Variants in EPHA4 observed in about 807,000 individuals in gnomAD.
EPHA4 encodes EPH receptor A4.
A neutral mutation model predicts 108.3 loss-of-function variants in EPHA4; 19 were observed. That is an observed-to-expected ratio of 0.18 (90% CI 0.12 to 0.26). The LOEUF is 0.26. Ranked by LOEUF, EPHA4 falls within the 10% of genes least tolerant of loss-of-function variation. EPHA4 has a pLI of 1.00. For synonymous variants in EPHA4, 449 were observed against 455.5 expected, an observed-to-expected ratio of 0.99 and a Z score of 0.18; for missense variants, 917 against 1,254.0, an observed-to-expected ratio of 0.73 and a Z score of 4.06.
chr2:221,467,626 A>G (rs1338462906), intron 5 of EPHA4, among the ~76,000 whole-genome samples: 2 of 152,212 alleles, frequency 1.3e-5, no homozygotes, highest in Non-Finnish European at 2.9e-5. Flanking sequence ...TTACAGGTAC[A>G]GTCATAGGAT....
chr2:221,529,907 T>C (rs1189754738), intron 3 of EPHA4, among the ~76,000 whole-genome samples: 2 of 152,192 alleles, frequency 1.3e-5, no homozygotes, highest in East Asian at 3.9e-4. Context: ...AAAAGGGCTC[T>C]CTTGTGAGTT....
chr2:221,421,020 C>A (rs1477213472), intron 17 of EPHA4, among the ~76,000 whole-genome samples: 1 of 152,128 alleles, frequency 6.6e-6, no homozygotes, highest in Non-Finnish European at 1.5e-5. Flanking sequence ...AACTAAGGGC[C>A]GGGCGCGGTG....
At chr2:221,506,442 T>C (rs1340410849) in intron 3 of EPHA4, among the ~76,000 whole-genome samples, 1 of 152,208 alleles carries the variant, frequency 6.6e-6, no homozygotes, top group Non-Finnish European at 1.5e-5. Context: ...TTCCCCACAG[T>C]ACAGATGGAA....
At position 221,499,715 on chromosome 2, in the gene EPHA4, AATAT is replaced by A. The variant is rs369326575; in HGVS notation, c.979+1298_979+1301del. Among the ~76,000 whole-genome samples the A allele has an allele frequency of 8.0e-3, 387 of 48,394 alleles. 9 individuals carry two copies. Among genetic ancestry groups the A allele is most frequent in the Middle Eastern group, 0.025 (1 of 40 alleles). The allele number at this position is 48,394 out of a possible 152,430, so 31.7% of individuals were successfully genotyped here. A position where few individuals can be genotyped will look rare whatever the true frequency, so the allele number is the denominator to read the frequency against. On this transcript the variant is annotated intron_variant, in intron 4 of 17. Transcript: ENST00000281821. The stretch of plus-strand genomic sequence containing the variant: ...AATAGTCATAATGATAACTAAAACT[AATAT>A]ATATATATATATATATATATATATA...
chr2:221,473,166 T>G (rs148262041), intron 5 of EPHA4, among the ~76,000 whole-genome samples: 55 of 152,310 alleles, frequency 3.6e-4, no homozygotes, highest in African/African-American at 1.1e-3. Flanking sequence ...CTTTCATTTC[T>G]AATTTTGGCA....
At chr2:221,542,525 C>G (rs1693867228) in intron 3 of EPHA4, among the ~76,000 whole-genome samples, 1 of 152,310 alleles carries the variant, frequency 6.6e-6, no homozygotes, top group East Asian at 1.9e-4. Context: ...ATACTTCATC[C>G]ATGAAGTCAT....
chr2:221,426,358 C>T, intron 16 of EPHA4, 106 bp downstream of exon 16: 1 of 1,353,308 alleles, frequency 7.4e-7, no homozygotes, highest in South Asian at 1.5e-5. Context: ...GAGAGGCATT[C>T]CAGATTTTTT....
At position 221,566,854 on chromosome 2, in the gene EPHA4, GAGA is replaced by G. The variant is rs769632541; in HGVS notation, c.159+1861_159+1863del. ...GAAGGAGAAGAAGGAGAAGGAGAAGGAGAAGAAGAAGAAGAAGAAGAAGGAGAA... is the reference window on the plus strand; with the variant it reads ...GAAGGAGAAGAAGGAGAAGGAGAAGGAGAAGAAGAAGAAGAAGAAGGAGAA... On this transcript the variant is annotated intron_variant, in intron 2 of 17. Transcript: ENST00000281821. Among the ~76,000 whole-genome samples, 7 of 53,266 alleles carry G rather than the reference GAGA, an allele frequency of 1.3e-4. 1 individual carries two copies. In the South Asian group the frequency reaches 2.2e-3, roughly 17 times the overall value. The allele number at this position is 53,266 out of a possible 152,430, so 34.9% of individuals were successfully genotyped here.
intron 1 of EPHA4, chr2:221,569,576 G>A (rs1694765818): frequency 6.6e-6 from 1 of 152,264 alleles, no homozygotes; most frequent in Non-Finnish European, 1.5e-5. Context: ...ACCGAGCTGC[G>A]GTACCCCGCT....
rs1553595915 is a variant in EPHA4 at position 221,566,955 on chromosome 2, G to GA, written c.159+1762_159+1763insT. ...AGGAGAAGGAGAAGGAGAAGGAGAA[G>GA]GGGAAGAGGAAGAGGAAGAAGAAGA... On this transcript the variant is annotated intron_variant, in intron 2 of 17. Transcript: ENST00000281821. Among the ~76,000 whole-genome samples, 23 of 46,378 alleles carry GA rather than the reference G, an allele frequency of 5.0e-4. 8 individuals carry two copies. Among genetic ancestry groups the GA allele is most frequent in the African/African-American group, 2.4e-3 (20 of 8,496 alleles). 30.4% of individuals were successfully genotyped at this position (46,378 alleles called of 152,430 possible).
intron 5 of EPHA4, among the ~76,000 whole-genome samples, chr2:221,477,046 T>TTTATTA (rs140420658): frequency 2.2e-4 from 33 of 149,010 alleles, no homozygotes; most frequent in Middle Eastern, 3.5e-3. Flanking sequence ...GCCACTTTAT[T>TTTATTA]TTATTATTAT....
chr2:221,521,669 TA>T (rs1693169083), intron 3 of EPHA4, among the ~76,000 whole-genome samples: 1 of 151,890 alleles, frequency 6.6e-6, no homozygotes, highest in Non-Finnish European at 1.5e-5. Context: ...AATATGGAAT[TA>T]AAAAAACAAA....
At chr2:221,442,161 C>T (rs1372813150) in intron 11 of EPHA4, among the ~76,000 whole-genome samples, 1 of 152,188 alleles carries the variant, frequency 6.6e-6, no homozygotes, top group Non-Finnish European at 1.5e-5. Context: ...CAGGGACTGC[C>T]TCAGCTGTGC....
intron 8 of EPHA4, among the ~76,000 whole-genome samples, chr2:221,452,653 A>C (rs3821029): frequency 0.055 from 8,421 of 152,204 alleles, 462 homozygotes; most frequent in African/African-American, 0.14. Context: ...TCATTTTCTA[A>C]AAAGTGATCC....
At chr2:221,561,875 T>C (rs1006124306) in intron 3 of EPHA4, among the ~76,000 whole-genome samples, 2 of 152,216 alleles carry the variant, frequency 1.3e-5, no homozygotes, top group African/African-American at 4.8e-5. Flanking sequence ...AATGTTGTTT[T>C]TTTAAAAATA....
intron 3 of EPHA4, among the ~76,000 whole-genome samples, chr2:221,535,571 G>A (rs1189166503): frequency 6.6e-6 from 1 of 151,764 alleles, no homozygotes; most frequent in Non-Finnish European, 1.5e-5. Context: ...CAAATCAAAG[G>A]CACTTCTTTT....
At chr2:221,429,906 G>T in intron 15 of EPHA4, 52 bp downstream of exon 15, 1 of 1,590,238 alleles carries the variant, frequency 6.3e-7, no homozygotes, top group East Asian at 2.2e-5. Context: ...CCACTTGCCT[G>T]CCTCCTCTAA....
At chr2:221,463,587 C>T (rs553290120) in intron 5 of EPHA4, among the ~76,000 whole-genome samples, 65 of 152,164 alleles carry the variant, frequency 4.3e-4, no homozygotes, top group Non-Finnish European at 8.1e-4. Context: ...ACAGGAGATG[C>T]TTTGATGTCA....
At chr2:221,428,268 G>A (rs932578110) in intron 15 of EPHA4, among the ~76,000 whole-genome samples, 1 of 152,128 alleles carries the variant, frequency 6.6e-6, no homozygotes, top group Non-Finnish European at 1.5e-5. Context: ...TAACTTTAAG[G>A]GTGGTTCTTA....
Sources: gnomAD v4.1 joint callset for allele counts (sites outside exome capture counted in the v4.1 genomes callset) on GRCh38, gnomAD v4.1.1 for gene constraint, MANE v1.5 for transcripts, NCBI Gene and HGNC (gene_info 2026-07-23, HGNC 2026-07-21) for gene names.